The following CACNA1E variants were observed in gnomAD, a reference collection of about 807,000 sequenced individuals.
CACNA1E encodes voltage-dependent R-type calcium channel subunit alpha-1E.
A neutral mutation model predicts 259.2 loss-of-function variants in CACNA1E; 40 were observed. The observed-to-expected ratio is 0.15, with a 90% CI of 0.12 to 0.20. The LOEUF is 0.20. CACNA1E is among the 10% of genes least tolerant of loss of function. The pLI is 1.00. For synonymous variants in CACNA1E, 1,104 were observed against 1,138.5 expected (o/e 0.97, Z 0.61); for missense variants, 1,874 against 3,040.1 (o/e 0.62, Z 9.02).
intron 2 of CACNA1E, among the ~76,000 whole-genome samples, chr1:181,430,635 GC>G (rs1659652570): frequency 6.6e-6 from 1 of 152,192 alleles, no homozygotes. Context: ...GGCCTTACTT[GC>G]TTGTCTGTGC....
chr1:181,732,632 G>A lies in CACNA1E; in HGVS notation c.2546G>A (p.Arg849His), dbSNP rs570878178. The A allele has an allele frequency of 8.7e-6, 13 of 1,492,510 alleles. No individual in the cohort carries two copies. The highest frequency in any genetic ancestry group is 2.8e-5 in the African/African-American group (2 of 71,024). 92.5% of individuals were successfully genotyped at this position (1,492,510 alleles called of 1,614,324 possible). A position where few individuals can be genotyped will look rare whatever the true frequency, so the allele number is the denominator to read the frequency against. ...GCCCTGGAGAAGTTCGAGGAGGAGC[G>A]CATCAGCCGTGGGGGGTCCCTCAAG... ...GLALEKFEEE[R>H]ISRGGSLKGD... Residue 849 changes from arginine (R) to histidine (H), a missense_variant, in exon 20 of 48, where the codon CGC becomes CAC. Arg to His is a conservative substitution (Grantham distance 29). Around this residue, in one of 14 missense-constraint regions of CACNA1E, gnomAD observed 476 missense variants for 514.0 expected, o/e 0.93. Coordinates refer to ENST00000367573, the MANE Select transcript of CACNA1E (RefSeq NM_001205293.3). This position sits in a 1 kb window ranked among gnomAD's most constrained non-coding sequence, Gnocchi z 5.5.
At chr1:181,577,028 T>C (rs1651045434) in intron 3 of CACNA1E, among the ~76,000 whole-genome samples, 1 of 152,326 alleles carries the variant, frequency 6.6e-6, no homozygotes, top group South Asian at 2.1e-4. Flanking sequence ...CATAAATACA[T>C]ATATGTCCTT....
chr1:181,605,105 A>T (rs969710535), intron 6 of CACNA1E, among the ~76,000 whole-genome samples: 1 of 152,176 alleles, frequency 6.6e-6, no homozygotes, highest in African/African-American at 2.4e-5. Context: ...AGAGAAAAGA[A>T]AGTGCTTTTG....
At chr1:181,580,846 G>A in intron 6 of CACNA1E, 70 bp downstream of exon 6, 1 of 1,439,662 alleles carries the variant, frequency 6.9e-7, no homozygotes. Context: ...GTGGTTGTTT[G>A]GCCTGGCTAG....
chr1:181,587,906 A>G (rs1652246210), intron 6 of CACNA1E, among the ~76,000 whole-genome samples: 1 of 152,180 alleles, frequency 6.6e-6, no homozygotes, highest in Non-Finnish European at 1.5e-5. Context: ...AGAAAGAAAG[A>G]AAGAAATGTA....
chr1:181,720,898 C>T, intron 15 of CACNA1E, 43 bp downstream of exon 15: 1 of 1,226,068 alleles, frequency 8.2e-7, no homozygotes, highest in Non-Finnish European at 1.2e-6. Context: ...CATGGGGTCC[C>T]TTGGACTGCA....
chr1:181,511,602 C>T, intron 3 of CACNA1E, 92 bp downstream of exon 3: 1 of 1,432,370 alleles, frequency 7.0e-7, no homozygotes. Context: ...GGTGGAAAGA[C>T]AGCAATCTGT....
In CACNA1E at chr1:181,557,601, G is replaced by T. The variant is rs1242447967; in HGVS notation, c.513-20165G>T. On this transcript the variant is annotated intron_variant, in intron 3 of 47. Coordinates refer to ENST00000367573, the MANE Select transcript of CACNA1E (RefSeq NM_001205293.3). Reference sequence around the variant, plus strand: ...TCCGAGTTCAGAACTCTGTGCCCTCGCATCAGGCTGTGGCTGAGCCTCCAA... The same window carrying T: ...TCCGAGTTCAGAACTCTGTGCCCTCTCATCAGGCTGTGGCTGAGCCTCCAA... 2.0e-5 allele frequency among the ~76,000 whole-genome samples: 3 copies of T among 152,270 alleles called. No individual in the cohort carries two copies. The East Asian group carries it at 5.8e-4, about 29-fold the overall frequency.
intron 2 of CACNA1E, among the ~76,000 whole-genome samples, chr1:181,452,049 A>T (rs1245249265): frequency 6.6e-6 from 1 of 152,208 alleles, no homozygotes; most frequent in African/African-American, 2.4e-5. Flanking sequence ...CACAGAGAGT[A>T]AGGGGGCTAA....
chr1:181,618,258 A>G (rs774600337), intron 6 of CACNA1E, among the ~76,000 whole-genome samples: 16 of 152,178 alleles, frequency 1.1e-4, no homozygotes, highest in Admixed American at 5.9e-4. Context: ...TCACAGTGGT[A>G]GAGGGGACTT....
chr1:181,452,943 C>G (rs1421222171), intron 2 of CACNA1E, among the ~76,000 whole-genome samples: 1 of 152,178 alleles, frequency 6.6e-6, no homozygotes, highest in Non-Finnish European at 1.5e-5. Context: ...AAACATTTAC[C>G]AGCTTGGATC....
At chr1:181,419,126 G>A (rs1658515058) in intron 2 of CACNA1E, among the ~76,000 whole-genome samples, 1 of 152,118 alleles carries the variant, frequency 6.6e-6, no homozygotes. Context: ...GATTTAGAAA[G>A]GTAGAACAAG....
chr1:181,657,426 A>C (rs767034073), intron 7 of CACNA1E, among the ~76,000 whole-genome samples: 22 of 152,316 alleles, frequency 1.4e-4, no homozygotes, highest in South Asian at 8.3e-4. Flanking sequence ...ATACCAGAAG[A>C]AACAGGTAAA....
intron 3 of CACNA1E, among the ~76,000 whole-genome samples, chr1:181,565,912 G>A (rs1026542907): frequency 6.6e-6 from 1 of 152,100 alleles, no homozygotes; most frequent in Non-Finnish European, 1.5e-5. Context: ...AAAGTGTGTG[G>A]GTGGTAGATC....
chr1:181,524,918 T>C (rs1438335989), intron 3 of CACNA1E, among the ~76,000 whole-genome samples: 1 of 152,218 alleles, frequency 6.6e-6, no homozygotes, highest in Non-Finnish European at 1.5e-5. Flanking sequence ...TATGTGAGTA[T>C]AAATTGTCAG....
rs906269705 is a variant in CACNA1E at position 181,460,592 on chromosome 1, C to T, written c.435-23152C>T. On this transcript the variant is annotated intron_variant, in intron 2 of 11. Transcript: ENST00000524607. The stretch of plus-strand genomic sequence containing the variant: ...GAACTGAAGACCTTTACAGAAACCT[C>T]AGGACATTTTTATTCAAACCCATCC... Among the ~76,000 whole-genome samples the T allele has an allele frequency of 3.3e-5, 5 of 152,188 alleles. No homozygotes were observed. The South Asian group carries it at 8.3e-4, about 25-fold the overall frequency.
At chr1:181,634,145 T>G (rs1156395345) in intron 6 of CACNA1E, among the ~76,000 whole-genome samples, 1 of 152,188 alleles carries the variant, frequency 6.6e-6, no homozygotes, top group East Asian at 1.9e-4. Context: ...GAATTCTAGC[T>G]CTCATTTTAT....
At chr1:181,602,066 C>A (rs1438099982) in intron 6 of CACNA1E, among the ~76,000 whole-genome samples, 1 of 152,196 alleles carries the variant, frequency 6.6e-6, no homozygotes, top group Non-Finnish European at 1.5e-5. Context: ...TCTTTCCTGA[C>A]CATCGTATTT....
intron 32 of CACNA1E, among the ~76,000 whole-genome samples, chr1:181,760,738 G>A (rs1658511604): frequency 6.6e-6 from 1 of 152,214 alleles, no homozygotes; most frequent in Non-Finnish European, 1.5e-5. Flanking sequence ...AGATTAGTAA[G>A]AGGTAGGGCC....
Sources: gnomAD v4.1 joint callset for allele counts (sites outside exome capture counted in the v4.1 genomes callset) on GRCh38, gnomAD v4.1.1 for gene constraint, gnomAD v4.1.1 regional missense constraint, Gnocchi (gnomAD v3.1) non-coding constraint, MANE v1.5 for transcripts, NCBI Gene and HGNC (gene_info 2026-07-23, HGNC 2026-07-21) for gene names.